CCDC7: variants seen among roughly 807,000 people sequenced by gnomAD.
CCDC7 encodes the protein coiled-coil domain-containing protein 7.
In CCDC7, 183 loss-of-function variants were observed where a neutral mutation model predicts 196.9. The ratio of observed to expected loss-of-function variants is 0.93; its 90% CI spans 0.82 to 1.05. The LOEUF (loss-of-function observed/expected upper bound fraction) is 1.05, where lower values mean the gene tolerates loss of function less well. CCDC7 is among the 50% of genes least tolerant of loss of function. The pLI is 0.00. For synonymous variants in CCDC7, 525 were observed against 484.6 expected, an observed-to-expected ratio of 1.08 and a Z score of -1.10; for missense variants, 1,540 against 1,482.2, an observed-to-expected ratio of 1.04 and a Z score of -0.64.
chr10:32,729,594 A>G (rs1013188714), intron 28 of CCDC7, 137 bp downstream of exon 29: 1 of 416,764 alleles, frequency 2.4e-6, no homozygotes, highest in Non-Finnish European at 4.2e-6. Flanking sequence ...CTTTATTGAT[A>G]ACTTGTTTCT....
At chr10:32,517,803 AGT>A in intron 9 of CCDC7, 140 bp from the exon 11 acceptor site, 1 of 687,910 alleles carries the variant, frequency 1.5e-6, no homozygotes, top group Non-Finnish European at 2.2e-6. Flanking sequence ...AAAAAGAAAA[AGT>A]GGGATGCAAG....
At chr10:32,725,495 A>G (rs1048445824) in intron 25 of CCDC7, 6 of 428,658 alleles carry the variant, frequency 1.4e-5, no homozygotes, top group South Asian at 1.0e-4. Flanking sequence ...TCCTTATTGA[A>G]TTAATTTTAT....
intron 20 of CCDC7, among the ~76,000 whole-genome samples, chr10:32,642,039 A>C (rs913785335): frequency 6.6e-6 from 1 of 152,142 alleles, no homozygotes; most frequent in Admixed American, 6.5e-5. Flanking sequence ...GTACTAGGTC[A>C]TGTGAGGTGT....
chr10:32,735,747 T>A (rs2084754384), intron 28 of CCDC7, among the ~76,000 whole-genome samples: 1 of 152,174 alleles, frequency 6.6e-6, no homozygotes, highest in Non-Finnish European at 1.5e-5. Flanking sequence ...ATCACCAAAT[T>A]TAAGGCCACC....
chr10:32,707,100 G>T (rs1362111295), intron 24 of CCDC7, among the ~76,000 whole-genome samples: 2 of 152,070 alleles, frequency 1.3e-5, no homozygotes, highest in Admixed American at 6.6e-5. Flanking sequence ...AATCCAGCAG[G>T]GTATCATAAA....
intron 28 of CCDC7, among the ~76,000 whole-genome samples, chr10:32,776,842 T>C (rs1370879905): frequency 2.0e-5 from 3 of 148,428 alleles, no homozygotes; most frequent in Non-Finnish European, 3.0e-5. Context: ...CTATGTACTA[T>C]ACTTCTGCCT....
intron 8 of CCDC7, among the ~76,000 whole-genome samples, chr10:32,489,951 A>G (rs556160986): frequency 1.3e-5 from 2 of 152,114 alleles, no homozygotes; most frequent in Non-Finnish European, 2.9e-5. Flanking sequence ...TGGTGGATGG[A>G]GCAACATTTC....
chr10:32,793,972 T>C (rs1371234114), intron 29 of CCDC7, among the ~76,000 whole-genome samples: 2 of 152,156 alleles, frequency 1.3e-5, no homozygotes, highest in Admixed American at 1.3e-4. Flanking sequence ...TTTTTCTACT[T>C]TTATATTAGG....
At chr10:32,800,570 G>T (rs1481518828) in intron 29 of CCDC7, among the ~76,000 whole-genome samples, 2 of 152,196 alleles carry the variant, frequency 1.3e-5, no homozygotes, top group South Asian at 4.1e-4. Context: ...TCAGCTCAGA[G>T]CCAGTGACCA....
intron 1 of CCDC7, among the ~76,000 whole-genome samples, chr10:32,452,499 C>T (rs1268088307): frequency 6.6e-6 from 1 of 152,210 alleles, no homozygotes; most frequent in Non-Finnish European, 1.5e-5. Context: ...GCTCTTTCGC[C>T]CAGGCTGGAG....
intron 28 of CCDC7, among the ~76,000 whole-genome samples, chr10:32,768,379 C>A (rs1000421432): frequency 1.3e-5 from 2 of 151,994 alleles, no homozygotes; most frequent in African/African-American, 4.8e-5. Flanking sequence ...ATTTTGTATC[C>A]TGAAACTTTA....
chr10:32,789,124 G>A (rs1325320996), intron 29 of CCDC7, among the ~76,000 whole-genome samples: 1 of 135,520 alleles, frequency 7.4e-6, no homozygotes, highest in Admixed American at 8.0e-5. Context: ...GCCAAGGCCA[G>A]TTTGTAAAGA....
At position 32,824,502 on chromosome 10, in the gene CCDC7, GTT is replaced by G; in HGVS notation, c.3182-14_3182-13del. ...ACATTAAAAAAGTGTTTTGAAATCT[GTT>G]TACTTTTTTATAGAGACTGATGAAC... On this transcript the variant is annotated splice_polypyrimidine_tract_variant and intron_variant, in intron 31 of 41. Coordinates refer to ENST00000639629, the Ensembl canonical transcript of CCDC7. 6.4e-7 allele frequency: 1 copy of G among 1,561,064 alleles called. No homozygotes were observed. The highest frequency in any genetic ancestry group is 8.8e-7 in the Non-Finnish European group (1 of 1,141,058).
chr10:32,655,221 T>G (rs530665632), intron 20 of CCDC7, among the ~76,000 whole-genome samples: 1 of 152,272 alleles, frequency 6.6e-6, no homozygotes, highest in South Asian at 2.1e-4. Flanking sequence ...GTTGACTGGG[T>G]TACCAAGGAC....
At chr10:32,496,625 C>G (rs1223344573) in intron 9 of CCDC7, among the ~76,000 whole-genome samples, 2 of 152,078 alleles carry the variant, frequency 1.3e-5, no homozygotes, top group African/African-American at 4.8e-5. Context: ...TGTTGAAGGC[C>G]TTTTCTGCAT....
chr10:32,810,069 C>T (rs1004534562), intron 30 of CCDC7, among the ~76,000 whole-genome samples: 6 of 128,418 alleles, frequency 4.7e-5, no homozygotes, highest in Non-Finnish European at 1.2e-4. Context: ...AAAAAGAACT[C>T]AAATGTTACT....
chr10:32,866,380 G>A (rs2094200064), intron 41 of CCDC7, among the ~76,000 whole-genome samples: 1 of 151,404 alleles, frequency 6.6e-6, no homozygotes, highest in South Asian at 2.1e-4. Flanking sequence ...TATACAAAGT[G>A]TTCTTAAAAC....
intron 29 of CCDC7, among the ~76,000 whole-genome samples, chr10:32,790,392 G>C (rs1026934185): frequency 6.6e-6 from 1 of 152,196 alleles, no homozygotes; most frequent in Non-Finnish European, 1.5e-5. Context: ...ACACCACCAA[G>C]GCCGACTGCT....
At position 32,849,098 on chromosome 10, in the gene CCDC7, T is replaced by C. The variant is rs1212685226; in HGVS notation, c.3895+380T>C. Among the ~76,000 whole-genome samples, 3 of 151,078 alleles carry C rather than the reference T, an allele frequency of 2.0e-5. No individual in the cohort carries two copies. In the East Asian group the frequency reaches 5.8e-4, roughly 29 times the overall value. The stretch of plus-strand genomic sequence containing the variant: ...CTTCTGTGTGTAAGTATCTGCAATA[T>C]GGATTGCTGGGTTTTGTTTTTTTTT... On this transcript the variant is annotated intron_variant, in intron 39 of 41. Transcript: ENST00000639629.
Sources: gnomAD v4.1 joint callset for allele counts (sites outside exome capture counted in the v4.1 genomes callset) on GRCh38, gnomAD v4.1.1 for gene constraint, MANE v1.5 for transcripts, NCBI Gene and HGNC (gene_info 2026-07-23, HGNC 2026-07-21) for gene names.